PCDH15: variants seen among roughly 807,000 people sequenced by gnomAD.
PCDH15 encodes the protein protocadherin related 15.
Under a neutral mutation model 178.5 loss-of-function variants are expected in PCDH15, and 129 were observed. The observed-to-expected ratio is 0.72, with a 90% confidence interval of 0.63 to 0.84. The LOEUF (loss-of-function observed/expected upper bound fraction) is 0.84, where lower values mean the gene tolerates loss of function less well. Ranked by LOEUF, PCDH15 falls within the 40% of genes least tolerant of loss-of-function variation. PCDH15 has a pLI of 0.00. For synonymous variants in PCDH15, 800 were observed against 732.0 expected, an observed-to-expected ratio of 1.09 and a Z score of -1.50; for missense variants, 2,230 against 2,099.9, an observed-to-expected ratio of 1.06 and a Z score of -1.21.
At chr10:54,569,685 A>G (rs1038499631) in intron 2 of PCDH15, among the ~76,000 whole-genome samples, 2 of 152,160 alleles carry the variant, frequency 1.3e-5, no homozygotes, top group Non-Finnish European at 2.9e-5. Flanking sequence ...CTTGGATGTT[A>G]TATCTGACTG....
At chr10:54,526,973 T>C (rs1315857371) in intron 3 of PCDH15, among the ~76,000 whole-genome samples, 1 of 152,064 alleles carries the variant, frequency 6.6e-6, no homozygotes, top group East Asian at 1.9e-4. Flanking sequence ...TTGTAAAAAA[T>C]ATGAAAGTGC....
chr10:54,070,937 A>C (rs1050521575), intron 17 of PCDH15, among the ~76,000 whole-genome samples: 2 of 152,066 alleles, frequency 1.3e-5, no homozygotes, highest in Admixed American at 6.6e-5. Flanking sequence ...ATAGTATAAA[A>C]AAAGTGAGTT....
Position 54,429,600 on chromosome 10 carries a change from T to A in PCDH15, c.158-50658A>T, listed in dbSNP as rs375304038. On this transcript the variant is annotated intron_variant, in intron 3 of 37. Transcript: ENST00000644397. Reference sequence around the variant, plus strand: ...TGTTGGCTATAAGAAACATTTCTCCTATAAAGACACACATCGACTGAAAGT... The same window carrying A: ...TGTTGGCTATAAGAAACATTTCTCCAATAAAGACACACATCGACTGAAAGT... 7.2e-5 allele frequency among the ~76,000 whole-genome samples: 11 copies of A among 152,174 alleles called. No individual in the cohort carries two copies. The East Asian group carries it at 2.1e-3, about 29-fold the overall frequency.
intron 3 of PCDH15, among the ~76,000 whole-genome samples, chr10:54,450,814 C>T (rs535381848): frequency 1.3e-5 from 2 of 151,900 alleles, no homozygotes; most frequent in East Asian, 3.9e-4. Context: ...TTTACAAATG[C>T]TCTGTAAACA....
At chr10:54,579,275 A>T (rs2090807003) in intron 2 of PCDH15, among the ~76,000 whole-genome samples, 1 of 152,152 alleles carries the variant, frequency 6.6e-6, no homozygotes, top group Admixed American at 6.6e-5. Flanking sequence ...CAACACCCAT[A>T]GTTCAAGGTA....
chr10:55,183,292 T>C (rs967581739), intron 1 of PCDH15, among the ~76,000 whole-genome samples: 5 of 151,968 alleles, frequency 3.3e-5, no homozygotes, highest in Admixed American at 3.3e-4. Context: ...TCATTAAGAA[T>C]ATGTCCTGAT....
intron 15 of PCDH15, among the ~76,000 whole-genome samples, chr10:54,092,932 A>G (rs1402025577): frequency 1.3e-5 from 2 of 152,142 alleles, no homozygotes; most frequent in Non-Finnish European, 1.5e-5. Flanking sequence ...AACATTTTAT[A>G]ATCTTGTGTT....
chr10:53,938,970 A>G lies in PCDH15; in HGVS notation c.3233-15T>C. Reference sequence around the variant, plus strand: ...TCCAAATGTATCTAGAAATTAAAATACAATTACCTGGTCATTGTCTTTACG... The same window carrying G: ...TCCAAATGTATCTAGAAATTAAAATGCAATTACCTGGTCATTGTCTTTACG... On this transcript the variant is annotated splice_polypyrimidine_tract_variant and intron_variant, in intron 24 of 37. Coordinates refer to ENST00000644397, the MANE Select transcript of PCDH15 (RefSeq NM_001384140.1). 3 of 1,610,138 alleles carry G rather than the reference A, an allele frequency of 1.9e-6. No individual in the cohort carries two copies. Among genetic ancestry groups the G allele is most frequent in the Non-Finnish European group, 2.5e-6 (3 of 1,177,150 alleles).
intron 1 of PCDH15, among the ~76,000 whole-genome samples, chr10:54,741,712 A>C (rs539770302): frequency 1.6e-4 from 24 of 152,112 alleles, no homozygotes; most frequent in African/African-American, 5.8e-4. Context: ...TGCTTGGCTC[A>C]TGGCTCATGG....
intron 1 of PCDH15, among the ~76,000 whole-genome samples, chr10:55,222,724 CACACACATATATATATATATAT>C (rs1308411087): frequency 4.3e-5 from 2 of 46,098 alleles, no homozygotes; most frequent in Admixed American, 2.9e-4. Context: ...CACACACACA[CACACACATATATATATATATAT>C]ATATATATAT....
intron 2 of PCDH15, among the ~76,000 whole-genome samples, chr10:55,157,174 C>T (rs1838912968): frequency 6.6e-6 from 1 of 152,104 alleles, no homozygotes; most frequent in Non-Finnish European, 1.5e-5. Flanking sequence ...ATTAAGAAGA[C>T]ATTTATGCAT....
intron 3 of PCDH15, among the ~76,000 whole-genome samples, chr10:54,832,679 A>C (rs929976361): frequency 4.6e-5 from 7 of 152,210 alleles, no homozygotes; most frequent in Admixed American, 3.9e-4. Context: ...CACACAATAC[A>C]ATATGGATGG....
intron 3 of PCDH15, among the ~76,000 whole-genome samples, chr10:54,831,691 T>C (rs1454015307): frequency 6.6e-6 from 1 of 152,160 alleles, no homozygotes; most frequent in Non-Finnish European, 1.5e-5. Context: ...TGCCAATCAG[T>C]ATATTTTCAT....
intron 2 of PCDH15, among the ~76,000 whole-genome samples, chr10:54,642,433 T>A (rs1482887256): frequency 6.6e-6 from 1 of 152,202 alleles, no homozygotes; most frequent in African/African-American, 2.4e-5. Flanking sequence ...CGCTTACTTC[T>A]GGTCATGGAG....
intron 18 of PCDH15, among the ~76,000 whole-genome samples, chr10:54,054,731 A>T (rs1235492064): frequency 6.6e-6 from 1 of 152,176 alleles, no homozygotes; most frequent in Non-Finnish European, 1.5e-5. Context: ...CATTTCAAAA[A>T]TAGTCACAGA....
At chr10:54,475,479 G>T (rs1267213098) in intron 3 of PCDH15, among the ~76,000 whole-genome samples, 1 of 151,874 alleles carries the variant, frequency 6.6e-6, no homozygotes, top group Non-Finnish European at 1.5e-5. Flanking sequence ...TACAGATTAT[G>T]CATGTAAAGC....
intron 2 of PCDH15, among the ~76,000 whole-genome samples, chr10:55,544,139 C>CAT (rs1176456895): frequency 0.011 from 623 of 54,272 alleles, 10 homozygotes; most frequent in South Asian, 0.018. Flanking sequence ...CTTATACATA[C>CAT]ATATATATAT....
At chr10:53,831,587 T>C in intron 29 of PCDH15, 54 bp from the exon 30 acceptor site, 1 of 1,304,210 alleles carries the variant, frequency 7.7e-7, no homozygotes, top group East Asian at 2.4e-5. Context: ...AAAGAGCATT[T>C]TAAAAATAAA....
At chr10:53,869,477 A>G (rs1166132805) in intron 26 of PCDH15, among the ~76,000 whole-genome samples, 2 of 152,314 alleles carry the variant, frequency 1.3e-5, no homozygotes, top group East Asian at 3.9e-4. Context: ...TTGGTTACAT[A>G]TTATTCTCTA....
Sources: gnomAD v4.1 joint callset for allele counts (sites outside exome capture counted in the v4.1 genomes callset) on GRCh38, gnomAD v4.1.1 for gene constraint, MANE v1.5 for transcripts, NCBI Gene and HGNC (gene_info 2026-07-23, HGNC 2026-07-21) for gene names.